The following MPPED2 variants were observed in gnomAD, a reference collection of about 807,000 sequenced individuals.
The protein encoded by MPPED2 is metallophosphoesterase domain containing 2, also known as metallophosphoesterase MPPED2.
Under a neutral mutation model 33.0 loss-of-function variants are expected in MPPED2, and 5 were observed. The ratio of observed to expected loss-of-function variants is 0.15; its 90% confidence interval spans 0.08 to 0.32. The LOEUF (loss-of-function observed/expected upper bound fraction) is 0.32. Among genes scored for constraint, MPPED2 ranks in the 10% least tolerant of loss-of-function variants. MPPED2 has a pLI of 1.00. For synonymous variants in MPPED2, 136 were observed against 141.9 expected (o/e 0.96, Z 0.29); for missense variants, 275 against 372.1 (o/e 0.74, Z 2.15).
chr11:30,560,962 T>C (rs1392601309), intron 2 of MPPED2, among the ~76,000 whole-genome samples: 2 of 152,216 alleles, frequency 1.3e-5, no homozygotes, highest in Non-Finnish European at 2.9e-5. Flanking sequence ...CTTAACAACG[T>C]GGCTTCTTGG....
intron 6 of MPPED2, among the ~76,000 whole-genome samples, chr11:30,413,259 C>G (rs981117678): frequency 6.6e-6 from 1 of 152,232 alleles, no homozygotes; most frequent in African/African-American, 2.4e-5. Flanking sequence ...GGCACACAGC[C>G]TTAAACACCT....
chr11:30,477,498 T>A (rs1380352460), intron 4 of MPPED2, among the ~76,000 whole-genome samples: 1 of 151,504 alleles, frequency 6.6e-6, no homozygotes, highest in African/African-American at 2.4e-5. Context: ...TTTATCCTGT[T>A]AATAGGATGA....
At chr11:30,549,506 A>C (rs1287294189) in intron 2 of MPPED2, among the ~76,000 whole-genome samples, 1 of 152,230 alleles carries the variant, frequency 6.6e-6, no homozygotes, top group African/African-American at 2.4e-5. Flanking sequence ...CTATCTATAC[A>C]TATGAGTTCT....
chr11:30,417,463 TA>T, intron 5 of MPPED2, 54 bp downstream of exon 5: 1 of 957,586 alleles, frequency 1.0e-6, no homozygotes, highest in Non-Finnish European at 1.7e-6. Context: ...CATTATTCAT[TA>T]TGCCTGGAAA....
chr11:30,553,255 TA>T (rs910048823), intron 2 of MPPED2, among the ~76,000 whole-genome samples: 1 of 152,150 alleles, frequency 6.6e-6, no homozygotes, highest in Non-Finnish European at 1.5e-5. Flanking sequence ...TTTTCTTTTT[TA>T]AAAAAGAAGG....
intron 4 of MPPED2, among the ~76,000 whole-genome samples, chr11:30,471,579 G>C (rs930225045): frequency 3.3e-5 from 5 of 152,288 alleles, no homozygotes; most frequent in African/African-American, 1.2e-4. Context: ...TGTCTCCCAA[G>C]TCATCTTACA....
intron 4 of MPPED2, among the ~76,000 whole-genome samples, chr11:30,451,061 G>A (rs1033630305): frequency 1.3e-5 from 2 of 152,180 alleles, no homozygotes; most frequent in African/African-American, 4.8e-5. Flanking sequence ...GGTGACAAGA[G>A]CCACGTGGCT....
At chr11:30,408,211 C>T (rs545163917), downstream of MPPED2, among the ~76,000 whole-genome samples, 218 of 152,304 alleles carry the variant, frequency 1.4e-3, 2 homozygotes, top group African/African-American at 4.8e-3. Flanking sequence ...TGGGCCTCAG[C>T]TGAGAGGATG....
chr11:30,488,467 G>T (rs546196070), intron 4 of MPPED2, among the ~76,000 whole-genome samples: 1 of 152,306 alleles, frequency 6.6e-6, no homozygotes, highest in East Asian at 1.9e-4. Context: ...AAGGCACCCG[G>T]CAGGCTTTGA....
chr11:30,413,705 A>G (rs935533596), intron 6 of MPPED2, among the ~76,000 whole-genome samples: 4 of 152,174 alleles, frequency 2.6e-5, no homozygotes, highest in African/African-American at 7.2e-5. Context: ...GCAAATGTGC[A>G]GGTTCCCGCC....
intron 4 of MPPED2, among the ~76,000 whole-genome samples, chr11:30,468,205 T>A (rs1950794712): frequency 6.6e-6 from 1 of 151,076 alleles, no homozygotes; most frequent in Non-Finnish European, 1.5e-5. Context: ...AGAATATCCA[T>A]GAAATCACAA....
intron 4 of MPPED2, chr11:30,452,132 A>G (rs1950088531): frequency 5.1e-6 from 5 of 979,744 alleles, no homozygotes; most frequent in Non-Finnish European, 6.1e-6. Context: ...CTACTTAAAA[A>G]TCTTCAAGGG....
chr11:30,450,892 A>G (rs1950029655), intron 4 of MPPED2, among the ~76,000 whole-genome samples: 1 of 152,238 alleles, frequency 6.6e-6, no homozygotes, highest in Non-Finnish European at 1.5e-5. Context: ...CACAGCCAGT[A>G]AACAGTAAAA....
chr11:30,452,433 C>T (rs557484312), intron 4 of MPPED2, among the ~76,000 whole-genome samples: 1 of 152,362 alleles, frequency 6.6e-6, no homozygotes, highest in East Asian at 1.9e-4. Flanking sequence ...TTCCTTCAGG[C>T]GGTTCCTGCA....
rs556270722 is a variant in MPPED2, at chr11:30,437,945, C to T, written c.537-20312G>A. Among the ~76,000 whole-genome samples the T allele has an allele frequency of 2.6e-3, 390 of 152,160 alleles. 1 individual carries two copies. The highest frequency in any genetic ancestry group is 4.9e-3 in the Non-Finnish European group (334 of 67,988). On this transcript the variant is annotated intron_variant, in intron 4 of 6. Transcript: ENST00000358117. ...TGGAGCCAGACAATTGGGTTTGAGTCCTAATTCCACCACTTAATAGTTGGG... is the reference window on the plus strand; with the variant it reads ...TGGAGCCAGACAATTGGGTTTGAGTTCTAATTCCACCACTTAATAGTTGGG...
At chr11:30,485,309 G>A (rs772637195) in intron 4 of MPPED2, among the ~76,000 whole-genome samples, 8 of 144,730 alleles carry the variant, frequency 5.5e-5, no homozygotes, top group South Asian at 2.2e-4. Flanking sequence ...ACAATTTTAC[G>A]TCTGGTACCT....
intron 4 of MPPED2, chr11:30,469,073 G>A (rs899854061): frequency 6.6e-6 from 1 of 152,146 alleles, no homozygotes; most frequent in Non-Finnish European, 1.5e-5. Flanking sequence ...TGCACAGGAA[G>A]GAACCGATAA....
chr11:30,527,651 C>T (rs559485224), intron 3 of MPPED2, among the ~76,000 whole-genome samples: 2 of 152,250 alleles, frequency 1.3e-5, no homozygotes, highest in South Asian at 2.1e-4. Flanking sequence ...GTCTGGGGTA[C>T]TTGGAAGGGG....
chr11:30,435,872 T>A (rs1199821997), intron 4 of MPPED2, among the ~76,000 whole-genome samples: 1 of 152,030 alleles, frequency 6.6e-6, no homozygotes, highest in Non-Finnish European at 1.5e-5. Flanking sequence ...TTTTTCCCCC[T>A]AACAAGCTAC....
Sources: gnomAD v4.1 joint callset for allele counts (sites outside exome capture counted in the v4.1 genomes callset) on GRCh38, gnomAD v4.1.1 for gene constraint, MANE v1.5 for transcripts, NCBI Gene and HGNC (gene_info 2026-07-23, HGNC 2026-07-21) for gene names.